ACTR3B: variants seen among roughly 807,000 people sequenced by gnomAD.
ACTR3B encodes actin-related protein 3B.
ACTR3B carries 8 observed loss-of-function variants against 59.0 expected under a neutral mutation model. The ratio of observed to expected loss-of-function variants is 0.14; its 90% CI spans 0.08 to 0.24. The LOEUF is 0.24. Among genes scored for constraint, ACTR3B ranks in the 10% least tolerant of loss-of-function variants. ACTR3B has a pLI of 1.00. For synonymous variants in ACTR3B, 148 were observed against 197.9 expected (o/e 0.75, Z 2.12); for missense variants, 245 against 552.3 (o/e 0.44, Z 5.58).
intron 9 of ACTR3B, among the ~76,000 whole-genome samples, chr7:152,832,407 A>T (rs1590401729): frequency 6.6e-6 from 1 of 152,216 alleles, no homozygotes; most frequent in African/African-American, 2.4e-5. Context: ...TCACCAAGGG[A>T]GAGTAGCAGG....
intron 9 of ACTR3B, among the ~76,000 whole-genome samples, chr7:152,845,093 G>GT (rs1798166516): frequency 2.0e-5 from 3 of 150,082 alleles, no homozygotes; most frequent in Admixed American, 1.3e-4. Context: ...ACCTGCAACT[G>GT]TGAGTGTCTT....
rs185167604 is a variant in ACTR3B, at chr7:152,834,831, G to A, written c.951+9709G>A. Among the ~76,000 whole-genome samples the A allele has an allele frequency of 6.6e-5, 10 of 152,326 alleles. No homozygotes were observed. The East Asian group carries it at 1.7e-3, about 26-fold the overall frequency. Reference sequence around the variant, plus strand: ...ATTTGAGAATCTGCTGGCGAGTGAAGCAGATACTTTCTGGCTAAAATGCTG... The same window carrying A: ...ATTTGAGAATCTGCTGGCGAGTGAAACAGATACTTTCTGGCTAAAATGCTG... On this transcript the variant is annotated intron_variant, in intron 9 of 11. Coordinates refer to ENST00000256001, the MANE Select transcript of ACTR3B (RefSeq NM_020445.6).
chr7:152,764,475 A>AG (rs1395708777), intron 1 of ACTR3B, among the ~76,000 whole-genome samples: 1 of 151,912 alleles, frequency 6.6e-6, no homozygotes, highest in Non-Finnish European at 1.5e-5. Flanking sequence ...CTACTAAAAA[A>AG]AAAAAGAAAT....
chr7:152,811,772 C>T (rs1263433630), intron 4 of ACTR3B: 1 of 151,738 alleles, frequency 6.6e-6, no homozygotes, highest in Non-Finnish European at 1.5e-5. Context: ...CCTTCCTTCT[C>T]TCCACCACCT....
chr7:152,785,438 A>G (rs1310188278), intron 2 of ACTR3B, among the ~76,000 whole-genome samples: 1 of 1,186 alleles, frequency 8.4e-4, no homozygotes, highest in Non-Finnish European at 1.6e-3. Flanking sequence ...AGAGAGGGGG[A>G]GGGGGAGGGG....
intron 2 of ACTR3B, among the ~76,000 whole-genome samples, chr7:152,788,898 CT>C (rs1189743343): frequency 6.6e-6 from 1 of 152,212 alleles, no homozygotes; most frequent in East Asian, 1.9e-4. Flanking sequence ...TGGCTCACAC[CT>C]GTAATCCCAG....
intron 2 of ACTR3B, among the ~76,000 whole-genome samples, chr7:152,794,493 G>A (rs1354080463): frequency 6.6e-6 from 1 of 152,228 alleles, no homozygotes; most frequent in East Asian, 1.9e-4. Flanking sequence ...TGGGATTACA[G>A]GCGTGAGCCA....
intron 1 of ACTR3B, among the ~76,000 whole-genome samples, chr7:152,782,586 C>T (rs1487933397): frequency 6.6e-6 from 1 of 151,994 alleles, no homozygotes; most frequent in African/African-American, 2.4e-5. Flanking sequence ...AGATGATTCT[C>T]AGGAGACGGC....
intron 9 of ACTR3B, among the ~76,000 whole-genome samples, chr7:152,826,911 C>T (rs1240611495): frequency 1.2e-4 from 18 of 150,248 alleles, no homozygotes; most frequent in Admixed American, 3.3e-4. Context: ...CCAAGTGGCA[C>T]GGTTGGCTTT....
chr7:152,813,682 C>T (rs1202308327), intron 4 of ACTR3B: 2 of 151,442 alleles, frequency 1.3e-5, no homozygotes, highest in African/African-American at 4.8e-5. Flanking sequence ...CATGTGCCAC[C>T]ACACTTGGCT....
At chr7:152,848,183 C>T (rs559466315) in intron 9 of ACTR3B, among the ~76,000 whole-genome samples, 32 of 152,304 alleles carry the variant, frequency 2.1e-4, no homozygotes, top group African/African-American at 7.0e-4. Flanking sequence ...CCCGCGTCTT[C>T]GACAGTCGTC....
chr7:152,781,007 A>C (rs1481192791), intron 1 of ACTR3B, among the ~76,000 whole-genome samples: 2 of 151,888 alleles, frequency 1.3e-5, no homozygotes, highest in Non-Finnish European at 2.9e-5. Context: ...CAGATAGGTA[A>C]AGTAACTTGC....
At chr7:152,791,685 T>G (rs2116678409) in intron 2 of ACTR3B, among the ~76,000 whole-genome samples, 1 of 152,356 alleles carries the variant, frequency 6.6e-6, no homozygotes, top group African/African-American at 2.4e-5. Context: ...AGTTACAGAA[T>G]TATTTTCTCA....
At position 152,762,912 on chromosome 7, in the gene ACTR3B, G is replaced by A. The variant is rs2966538; in HGVS notation, c.44+2986G>A. On this transcript the variant is annotated intron_variant, in intron 1 of 11. Transcript: ENST00000256001. The stretch of plus-strand genomic sequence containing the variant: ...CCTTCTTAGTGCATCCCATCGAAAG[G>A]CTTAAGATAGGGACTCGCCTCAGTC... 2.8e-3 allele frequency among the ~76,000 whole-genome samples: 428 copies of A among 152,288 alleles called. 4 individuals are homozygous for A. Among genetic ancestry groups the A allele is most frequent in the African/African-American group, 1.0e-2 (415 of 41,550 alleles).
Position 152,789,923 on chromosome 7 carries a change from A to G in ACTR3B, c.100+6681A>G, listed in dbSNP as rs2098189172. Among the ~76,000 whole-genome samples the G allele has an allele frequency of 2.6e-5, 4 of 151,780 alleles. No homozygotes were observed. In the South Asian group the frequency reaches 8.3e-4, roughly 31 times the overall value. On this transcript the variant is annotated intron_variant, in intron 2 of 11. Coordinates refer to ENST00000256001, the MANE Select transcript of ACTR3B (RefSeq NM_020445.6). ...TTTAATTAAAAAAATCATGAATGAC[A>G]GTGAGTATTGACATTTAGTCAAAGC...
intron 1 of ACTR3B, among the ~76,000 whole-genome samples, chr7:152,779,097 G>C (rs995877184): frequency 1.3e-5 from 2 of 151,692 alleles, no homozygotes; most frequent in African/African-American, 4.9e-5. Flanking sequence ...ATGTGACAGT[G>C]AGGAAGCTTG....
chr7:152,818,972 T>C lies in ACTR3B; in HGVS notation c.541-1327T>C, dbSNP rs186934297. The stretch of plus-strand genomic sequence containing the variant: ...ATTTATTTTTCTGTTGTTGGACATG[T>C]ATCTTGTTTTAATATTTTTACCACT... On this transcript the variant is annotated intron_variant, in intron 6 of 11. Coordinates refer to ENST00000256001, the MANE Select transcript of ACTR3B (RefSeq NM_020445.6). 3.5e-4 allele frequency among the ~76,000 whole-genome samples: 54 copies of C among 152,366 alleles called. 1 individual carries two copies. The highest frequency in any genetic ancestry group is 1.2e-3 in the African/African-American group (50 of 41,594).
chr7:152,846,274 G>A (rs191889884), intron 9 of ACTR3B, among the ~76,000 whole-genome samples: 3,149 of 146,438 alleles, frequency 0.022, 61 homozygotes, highest in Middle Eastern at 0.074. Context: ...CCCAGCGCCC[G>A]GGCTGCAGTC....
intron 9 of ACTR3B, among the ~76,000 whole-genome samples, chr7:152,836,331 C>G (rs954823078): frequency 6.6e-6 from 1 of 151,790 alleles, no homozygotes; most frequent in African/African-American, 2.4e-5. Context: ...TGCAGGGGCT[C>G]ACGCCTCTGT....
Sources: allele counts gnomAD v4.1 joint callset (sites outside exome capture counted in the v4.1 genomes callset), GRCh38; gene constraint gnomAD v4.1.1; transcripts MANE v1.5; gene names NCBI Gene and HGNC (gene_info 2026-07-23, HGNC 2026-07-21).